AFF3: variants seen among roughly 807,000 people sequenced by gnomAD.
AFF3 encodes AF4/FMR2 family member 3.
Under a neutral mutation model 129.7 loss-of-function variants are expected in AFF3, and 32 were observed. The ratio of observed to expected loss-of-function variants is 0.25; its 90% CI spans 0.19 to 0.33. The LOEUF (loss-of-function observed/expected upper bound fraction) is 0.33, where lower values mean the gene tolerates loss of function less well. Among genes scored for constraint, AFF3 ranks in the 10% least tolerant of loss-of-function variants. The pLI, the probability that AFF3 is intolerant of heterozygous loss-of-function variation, is 1.00. For missense variants in AFF3, 1,373 were observed against 1,592.0 expected (o/e 0.86, Z 2.34); for synonymous variants, 644 against 635.4 (o/e 1.01, Z -0.20).
intron 18 of AFF3, among the ~76,000 whole-genome samples, chr2:99,571,589 A>G (rs775274663): frequency 1.5e-4 from 23 of 152,210 alleles, no homozygotes; most frequent in Non-Finnish European, 3.2e-4. Context: ...GAGCAGCTAT[A>G]ATCAGAGCAG....
intron 11 of AFF3, among the ~76,000 whole-genome samples, chr2:99,690,102 C>A (rs929429821): frequency 1.3e-5 from 2 of 148,478 alleles, no homozygotes; most frequent in African/African-American, 4.9e-5. Flanking sequence ...ACAAACAAAC[C>A]CCCCCACCCC....
intron 13 of AFF3, among the ~76,000 whole-genome samples, chr2:99,621,467 G>A (rs540666397): frequency 6.6e-6 from 1 of 152,306 alleles, no homozygotes; most frequent in South Asian, 2.1e-4. Flanking sequence ...CGTCCACCCA[G>A]AGCATTTTGG....
intron 18 of AFF3, chr2:99,572,734 T>C: frequency 2.3e-6 from 1 of 432,258 alleles, no homozygotes; most frequent in Non-Finnish European, 4.6e-6. Flanking sequence ...GGAGAATGCA[T>C]AAGAAATTAA....
intron 8 of AFF3, among the ~76,000 whole-genome samples, chr2:99,825,541 A>G (rs1688014592): frequency 6.6e-6 from 1 of 152,246 alleles, no homozygotes; most frequent in African/African-American, 2.4e-5. Context: ...TACACAGAGC[A>G]TATTAGCAGT....
intron 15 of AFF3, among the ~76,000 whole-genome samples, chr2:99,587,867 AGGTGTGGT>A (rs1258643840): frequency 1.3e-5 from 2 of 151,952 alleles, no homozygotes; most frequent in Non-Finnish European, 2.9e-5. Context: ...AAAATTAGCC[AGGTGTGGT>A]GGTGCACGCC....
chr2:99,752,292 A>C lies in AFF3; in HGVS notation c.931T>G (p.Trp311Gly), dbSNP rs763634623. The change falls in exon 9 of 25, where the codon TGG becomes GGG. Residue 311 changes from tryptophan to glycine, a missense_variant. Trp to Gly is a radical substitution (Grantham distance 184). Around this residue, in one of 9 missense-constraint regions of AFF3, gnomAD observed 413 missense variants for 424.4 expected, o/e 0.97. Transcript: ENST00000672756. Reference protein sequence around the residue: ...CVEEIIREMTWLPPLSAIQAP... With the variant: ...CVEEIIREMTGLPPLSAIQAP... Reference sequence around the variant, plus strand: ...TGAATAGCAGAAAGTGGTGGAAGCCAGGTCATCTCCTGAAGGACGGGATAA... The same window carrying C: ...TGAATAGCAGAAAGTGGTGGAAGCCCGGTCATCTCCTGAAGGACGGGATAA... 4.3e-6 allele frequency: 7 copies of C among 1,613,962 alleles called. No individual in the cohort carries two copies. The South Asian group carries it at 7.7e-5, about 18-fold the overall frequency.
At chr2:100,066,428 C>G (rs1026498117) in intron 4 of AFF3, among the ~76,000 whole-genome samples, 2 of 152,170 alleles carry the variant, frequency 1.3e-5, no homozygotes, top group African/African-American at 4.8e-5. Flanking sequence ...TTTCCACACC[C>G]TCTTCTGTTC....
chr2:99,578,502 G>A lies in AFF3; in HGVS notation c.2794-51C>T, dbSNP rs1283316753. 5.6e-6 allele frequency: 9 copies of A among 1,603,860 alleles called. No individual in the cohort carries two copies. In the South Asian group the frequency reaches 6.8e-5, roughly 12 times the overall value. ...TGAGAAATTGGCCACCTGGTGAAGC[G>A]AGCAGCCCATCACATACATACATAC... On this transcript the variant is annotated intron_variant, in intron 17 of 24. Transcript: ENST00000672756.
intron 4 of AFF3, among the ~76,000 whole-genome samples, chr2:100,060,121 GCCT>G (rs1687142037): frequency 6.6e-6 from 1 of 151,940 alleles, no homozygotes; most frequent in Admixed American, 6.6e-5. Context: ...TTCAACCCCA[GCCT>G]CCGAGAACAG....
intron 7 of AFF3, among the ~76,000 whole-genome samples, chr2:99,981,333 A>G (rs571607666): frequency 1.3e-3 from 194 of 152,290 alleles, no homozygotes; most frequent in African/African-American, 4.4e-3. Context: ...TCATGTTTTA[A>G]TATCACATTA....
intron 12 of AFF3, among the ~76,000 whole-genome samples, chr2:99,665,741 G>A (rs1686616628): frequency 6.6e-6 from 1 of 152,216 alleles, no homozygotes; most frequent in South Asian, 2.1e-4. Context: ...GAAAAGTCAG[G>A]AATAAACATG....
At chr2:99,879,564 T>C (rs1327136468) in intron 7 of AFF3, among the ~76,000 whole-genome samples, 1 of 152,244 alleles carries the variant, frequency 6.6e-6, no homozygotes, top group Non-Finnish European at 1.5e-5. Flanking sequence ...AGAGTTTCTC[T>C]GTCAAGATGA....
At chr2:100,123,508 T>C (rs6706188) in intron 2 of AFF3, among the ~76,000 whole-genome samples, 55,151 of 152,082 alleles carry the variant, frequency 0.36, 12,474 homozygotes, top group African/African-American at 0.64. Flanking sequence ...TATATGTGAT[T>C]ATTGGGCATA....
At chr2:99,946,695 T>G (rs184050758) in intron 7 of AFF3, among the ~76,000 whole-genome samples, 19 of 152,078 alleles carry the variant, frequency 1.2e-4, no homozygotes, top group Admixed American at 1.1e-3. Flanking sequence ...AAATAGGAAT[T>G]AGGCCAAAGT....
At chr2:99,936,801 CAGTA>C (rs1437590284) in intron 7 of AFF3, among the ~76,000 whole-genome samples, 1 of 152,168 alleles carries the variant, frequency 6.6e-6, no homozygotes, top group Non-Finnish European at 1.5e-5. Flanking sequence ...GTTCTTCCTT[CAGTA>C]AGTATTGTCA....
chr2:99,585,438 CA>C (rs1678003905), intron 16 of AFF3, among the ~76,000 whole-genome samples: 1 of 152,322 alleles, frequency 6.6e-6, no homozygotes, highest in East Asian at 1.9e-4. Context: ...CCACCTTTCT[CA>C]GAATGTACTC....
At chr2:99,906,809 G>GCAAT (rs1022811437) in intron 7 of AFF3, among the ~76,000 whole-genome samples, 1 of 151,502 alleles carries the variant, frequency 6.6e-6, no homozygotes, top group Non-Finnish European at 1.5e-5. Flanking sequence ...CCAACACCTT[G>GCAAT]CAATCAATCA....
At chr2:100,012,130 T>C (rs1219537482) in intron 4 of AFF3, among the ~76,000 whole-genome samples, 2 of 152,194 alleles carry the variant, frequency 1.3e-5, no homozygotes, top group African/African-American at 4.8e-5. Flanking sequence ...AATCTTCTAA[T>C]AGAAATCCAC....
chr2:99,756,175 C>T (rs1316136480), intron 8 of AFF3, among the ~76,000 whole-genome samples: 1 of 152,220 alleles, frequency 6.6e-6, no homozygotes, highest in Non-Finnish European at 1.5e-5. Context: ...CCTAATGGCT[C>T]CCTCCAAAAT....
Sources: gnomAD v4.1 joint callset for allele counts (sites outside exome capture counted in the v4.1 genomes callset) on GRCh38, gnomAD v4.1.1 for gene constraint, gnomAD v4.1.1 regional missense constraint, MANE v1.5 for transcripts, NCBI Gene and HGNC (gene_info 2026-07-23, HGNC 2026-07-21) for gene names.